Variants in TMEM163 observed in about 807,000 individuals in gnomAD.
The protein encoded by TMEM163 is transmembrane protein 163.
TMEM163 carries 17 observed loss-of-function variants against 29.3 expected under a neutral mutation model. That is an observed-to-expected ratio of 0.58 (90% CI 0.40 to 0.87). TMEM163 has a LOEUF of 0.87. Ranked by LOEUF, TMEM163 falls within the 40% of genes least tolerant of loss-of-function variation. The pLI, the probability that TMEM163 is intolerant of heterozygous loss-of-function variation, is 0.00. For missense variants in TMEM163, 303 were observed against 381.5 expected (o/e 0.79, Z 1.71); for synonymous variants, 157 against 160.6 (o/e 0.98, Z 0.17).
At chr2:134,462,162 GTCTC>G (rs58581077) in intron 6 of TMEM163, among the ~76,000 whole-genome samples, 26 of 151,432 alleles carry the variant, frequency 1.7e-4, no homozygotes, top group East Asian at 1.2e-3. Flanking sequence ...TCTGCTCTCT[GTCTC>G]TCTCTCTCAT....
At chr2:134,595,772 C>T (rs185154871) in intron 2 of TMEM163, among the ~76,000 whole-genome samples, 9 of 152,346 alleles carry the variant, frequency 5.9e-5, no homozygotes, top group Non-Finnish European at 1.0e-4. Context: ...TGCTCTCCAG[C>T]ACCTGTTGTT....
chr2:134,534,868 G>A lies in TMEM163; in HGVS notation c.458+15702C>T, dbSNP rs189664517. Among the ~76,000 whole-genome samples, 363 of 152,290 alleles carry A rather than the reference G, an allele frequency of 2.4e-3. 1 individual carries two copies. The highest frequency in any genetic ancestry group is 0.014 in the Middle Eastern group (4 of 294). ...GAGTCGTCAACCCAAACAGCCAAGT[G>A]AATCCTTGAGGAAGAAGAGATATTG... is the stretch of plus-strand genomic sequence containing the variant. On this transcript the variant is annotated intron_variant, in intron 4 of 7. Coordinates refer to ENST00000281924, the MANE Select transcript of TMEM163 (RefSeq NM_030923.5).
chr2:134,552,996 G>T (rs1263649033), intron 2 of TMEM163, among the ~76,000 whole-genome samples: 1 of 152,134 alleles, frequency 6.6e-6, no homozygotes, highest in African/African-American at 2.4e-5. Flanking sequence ...CGTCAATTGG[G>T]TAGCACTTTT....
rs552682097 is a variant in TMEM163 at position 134,676,828 on chromosome 2, T to C, written c.322+36372A>G. On this transcript the variant is annotated intron_variant, in intron 2 of 7. Coordinates refer to ENST00000281924, the MANE Select transcript of TMEM163 (RefSeq NM_030923.5). The stretch of plus-strand genomic sequence containing the variant: ...ACATATACATCTAAACATAAAAATA[T>C]TTGAGACGAACAGACCTTAATGGAT... 8.5e-5 allele frequency among the ~76,000 whole-genome samples: 13 copies of C among 152,218 alleles called. No homozygotes were observed. The South Asian group carries it at 2.7e-3, about 32-fold the overall frequency.
At position 134,605,166 on chromosome 2, in the gene TMEM163, GA is replaced by G. The variant is rs1465806180; in HGVS notation, c.323-53076del. Among the ~76,000 whole-genome samples, 3 of 147,878 alleles carry G rather than the reference GA, an allele frequency of 2.0e-5. No homozygotes were observed. In the Admixed American group the frequency reaches 2.0e-4, roughly 10 times the overall value. ...CACTCCAGCCTAGGCGACAGAGTGAGACTTGGTCTCCAGCAAAAAAAAAAAA... is the reference window on the plus strand; with the variant it reads ...CACTCCAGCCTAGGCGACAGAGTGAGCTTGGTCTCCAGCAAAAAAAAAAAA... On this transcript the variant is annotated intron_variant, in intron 2 of 7. Coordinates refer to ENST00000281924, the MANE Select transcript of TMEM163 (RefSeq NM_030923.5).
intron 2 of TMEM163, among the ~76,000 whole-genome samples, chr2:134,677,153 C>G (rs143612282): frequency 6.6e-6 from 1 of 152,250 alleles, no homozygotes; most frequent in African/African-American, 2.4e-5. Context: ...CGCTTCCTTC[C>G]GCAGACCTCG....
intron 2 of TMEM163, among the ~76,000 whole-genome samples, chr2:134,661,274 T>C (rs1683744468): frequency 6.6e-6 from 1 of 152,164 alleles, no homozygotes; most frequent in Admixed American, 6.5e-5. Flanking sequence ...GCCTTGATCT[T>C]GCACTTCCCA....
intron 2 of TMEM163, among the ~76,000 whole-genome samples, chr2:134,699,776 G>A (rs771260716): frequency 1.2e-4 from 18 of 151,836 alleles, no homozygotes; most frequent in Non-Finnish European, 2.1e-4. Context: ...ATTTTTGTTT[G>A]AGTGCTCTGG....
chr2:134,659,240 GT>G (rs1338305152), intron 2 of TMEM163, among the ~76,000 whole-genome samples: 16 of 152,324 alleles, frequency 1.1e-4, no homozygotes, highest in Admixed American at 6.5e-4. Context: ...AGCAAGAGAA[GT>G]TTTCCAGCTC....
intron 2 of TMEM163, among the ~76,000 whole-genome samples, chr2:134,640,059 A>G (rs1166482814): frequency 6.6e-6 from 1 of 152,232 alleles, no homozygotes; most frequent in Non-Finnish European, 1.5e-5. Flanking sequence ...ATTTCCTGGT[A>G]ACAAAGTCCT....
At chr2:134,670,583 G>A (rs1269883101) in intron 2 of TMEM163, among the ~76,000 whole-genome samples, 1 of 152,214 alleles carries the variant, frequency 6.6e-6, no homozygotes, top group Non-Finnish European at 1.5e-5. Context: ...AAACAGCACT[G>A]GTGACGTTCA....
chr2:134,461,814 G>C lies in TMEM163; in HGVS notation c.668-3641C>G, dbSNP rs537095616. ...CCGGGTTGGGACCCAGTTGACAGGG[G>C]AAGCCGGCCCTCTCCCACAAAGGGG... On this transcript the variant is annotated intron_variant, in intron 6 of 7. Transcript: ENST00000281924. Among the ~76,000 whole-genome samples, 9 of 152,264 alleles carry C rather than the reference G, an allele frequency of 5.9e-5. No homozygotes were observed. In the South Asian group the frequency reaches 1.9e-3, roughly 32 times the overall value.
chr2:134,554,880 G>T (rs760512685), intron 2 of TMEM163, among the ~76,000 whole-genome samples: 1 of 152,168 alleles, frequency 6.6e-6, no homozygotes, highest in Non-Finnish European at 1.5e-5. Context: ...AAATATGAGC[G>T]AGATGGCTCC....
chr2:134,496,064 ATTT>A (rs57512015), intron 5 of TMEM163, among the ~76,000 whole-genome samples: 3 of 144,310 alleles, frequency 2.1e-5, no homozygotes, highest in Admixed American at 6.9e-5. Flanking sequence ...AGGCTTAACT[ATTT>A]TTTTTTTTTT....
Position 134,633,147 on chromosome 2 carries a change from C to T in TMEM163, c.322+80053G>A, listed in dbSNP as rs958698160. ...ACATTCAGACCATAGAAGAAGGTTT[C>T]TGAGGCACAATCTGGTTAAAAGGAG... On this transcript the variant is annotated intron_variant, in intron 2 of 7. Transcript: ENST00000281924. Among the ~76,000 whole-genome samples, 18 of 152,112 alleles carry T rather than the reference C, an allele frequency of 1.2e-4. 1 individual carries two copies. Among genetic ancestry groups the T allele is most frequent in the African/African-American group, 4.3e-4 (18 of 41,408 alleles).
rs545950914 is a variant in TMEM163 at position 134,561,839 on chromosome 2, C to T, written c.323-9748G>A. ...ACTAATCAGTCTTTCATTCAACCAACAAGTGCTTACTGAGCACCTACTATG... is the reference window on the plus strand; with the variant it reads ...ACTAATCAGTCTTTCATTCAACCAATAAGTGCTTACTGAGCACCTACTATG... On this transcript the variant is annotated intron_variant, in intron 2 of 7. Coordinates refer to ENST00000281924, the MANE Select transcript of TMEM163 (RefSeq NM_030923.5). Among the ~76,000 whole-genome samples the T allele has an allele frequency of 2.6e-5, 4 of 152,320 alleles. No homozygotes were observed. The South Asian group carries it at 8.3e-4, about 32-fold the overall frequency.
chr2:134,697,233 A>G (rs1412594828), intron 2 of TMEM163, among the ~76,000 whole-genome samples: 4 of 152,124 alleles, frequency 2.6e-5, no homozygotes, highest in Admixed American at 2.0e-4. Flanking sequence ...GCCCTACTAT[A>G]CTGGGTAGGA....
At chr2:134,718,428 G>A (rs939677228) in intron 1 of TMEM163, among the ~76,000 whole-genome samples, 4 of 152,232 alleles carry the variant, frequency 2.6e-5, no homozygotes, top group Admixed American at 6.5e-5. Context: ...AATGCCTCCC[G>A]CAAACTTTTC....
intron 2 of TMEM163, among the ~76,000 whole-genome samples, chr2:134,677,961 T>A (rs1047145907): frequency 7.9e-5 from 12 of 152,172 alleles, no homozygotes; most frequent in Non-Finnish European, 1.8e-4. Context: ...CCCCTCCACG[T>A]TCCAGTAAGC....
Sources: gnomAD v4.1 joint callset for allele counts (sites outside exome capture counted in the v4.1 genomes callset) on GRCh38, gnomAD v4.1.1 for gene constraint, MANE v1.5 for transcripts, NCBI Gene and HGNC (gene_info 2026-07-23, HGNC 2026-07-21) for gene names.